CDH12: variants seen among roughly 807,000 people sequenced by gnomAD.
The protein encoded by CDH12 is cadherin 12.
A neutral mutation model predicts 74.1 loss-of-function variants in CDH12; 41 were observed. The ratio of observed to expected loss-of-function variants is 0.55; its 90% CI spans 0.43 to 0.72. CDH12 has a LOEUF of 0.72. Ranked by LOEUF, CDH12 falls within the 30% of genes least tolerant of loss-of-function variation. The pLI, the probability that CDH12 is intolerant of heterozygous loss-of-function variation, is 0.00. For missense variants in CDH12, 945 were observed against 977.2 expected (o/e 0.97, Z 0.44); for synonymous variants, 399 against 355.0 (o/e 1.12, Z -1.39).
intron 3 of CDH12, among the ~76,000 whole-genome samples, chr5:22,369,365 AAAT>A (rs1006833891): frequency 1.3e-5 from 2 of 152,128 alleles, no homozygotes; most frequent in African/African-American, 4.8e-5. Context: ...CTCAGAAAAA[AAAT>A]AGACTTTCTT....
At chr5:22,360,802 G>T (rs376689101) in intron 3 of CDH12, among the ~76,000 whole-genome samples, 9,011 of 152,032 alleles carry the variant, frequency 0.059, 372 homozygotes, top group South Asian at 0.16. Context: ...ACGTAATCCA[G>T]CAAATAAACA....
chr5:21,943,727 A>G (rs1327821199), intron 6 of CDH12, among the ~76,000 whole-genome samples: 1 of 152,196 alleles, frequency 6.6e-6, no homozygotes, highest in Non-Finnish European at 1.5e-5. Context: ...TTGCTTAATT[A>G]TTGTCTTATT....
intron 2 of CDH12, among the ~76,000 whole-genome samples, chr5:22,449,527 A>C (rs1346816303): frequency 6.6e-6 from 1 of 152,100 alleles, no homozygotes; most frequent in African/African-American, 2.4e-5. Context: ...GACTCCTTAC[A>C]TAAAATTTTA....
At chr5:22,098,647 G>A (rs774284312) in intron 4 of CDH12, among the ~76,000 whole-genome samples, 18 of 152,124 alleles carry the variant, frequency 1.2e-4, no homozygotes, top group Non-Finnish European at 1.6e-4. Flanking sequence ...TTCACTCTTC[G>A]TTGAGTCGCC....
In CDH12 at chr5:21,792,198, A is replaced by G. The variant is rs1746536759; in HGVS notation, c.1257-8704T>C. ...TTACTGAGTACCTAAGCCACCTGCA[A>G]CAATATGTCAATTGTAATTTCTCCA... is the stretch of plus-strand genomic sequence containing the variant. On this transcript the variant is annotated intron_variant, in intron 10 of 14. Coordinates refer to ENST00000382254, the MANE Select transcript of CDH12 (RefSeq NM_004061.5). 2.0e-5 allele frequency among the ~76,000 whole-genome samples: 3 copies of G among 151,970 alleles called. No individual in the cohort carries two copies. The South Asian group carries it at 6.2e-4, about 31-fold the overall frequency.
intron 9 of CDH12, among the ~76,000 whole-genome samples, chr5:21,810,042 C>A (rs1747662662): frequency 6.6e-6 from 1 of 151,948 alleles, no homozygotes; most frequent in South Asian, 2.1e-4. Flanking sequence ...AGGAGGAGAA[C>A]CACAATACCA....
chr5:21,784,106 T>G (rs1746069454), intron 10 of CDH12, among the ~76,000 whole-genome samples: 1 of 152,156 alleles, frequency 6.6e-6, no homozygotes, highest in Admixed American at 6.6e-5. Context: ...ACAGTGACTT[T>G]GGATAATGAT....
intron 5 of CDH12, among the ~76,000 whole-genome samples, chr5:22,066,065 G>T (rs1477270023): frequency 6.6e-6 from 1 of 152,128 alleles, no homozygotes; most frequent in Non-Finnish European, 1.5e-5. Context: ...CCAGTTTATA[G>T]ACCCAAAATC....
Position 21,817,025 on chromosome 5 carries a change from T to C in CDH12, c.922A>G (p.Ile308Val). 2 of 1,612,732 alleles carry C rather than the reference T, an allele frequency of 1.2e-6. No homozygotes were observed. The highest frequency in any genetic ancestry group is 8.5e-7 in the Non-Finnish European group (1 of 1,179,080). Reference sequence around the variant, plus strand: ...AAATTTCCCCCATCTCCTGGAACAATATTGTATTCAATTTCTGCATTTTGT... The same window carrying C: ...AAATTTCCCCCATCTCCTGGAACAACATTGTATTCAATTTCTGCATTTTGT... ...FGQNAEIEYN[I>V]VPGDGGNLFD... The change falls in exon 9 of 15, where the codon ATT becomes GTT. Residue 308 changes from isoleucine (I) to valine (V), a missense_variant. Coordinates refer to ENST00000382254, the MANE Select transcript of CDH12 (RefSeq NM_004061.5).
At chr5:22,353,062 C>A (rs1356133838) in intron 3 of CDH12, among the ~76,000 whole-genome samples, 1 of 152,108 alleles carries the variant, frequency 6.6e-6, no homozygotes, top group East Asian at 1.9e-4. Flanking sequence ...TTCTGGATTA[C>A]CATGACACAA....
At chr5:22,290,705 T>G (rs544339303) in intron 3 of CDH12, among the ~76,000 whole-genome samples, 2 of 152,062 alleles carry the variant, frequency 1.3e-5, no homozygotes, top group Non-Finnish European at 2.9e-5. Flanking sequence ...AAACTGATAC[T>G]ATAGAAATAC....
At chr5:21,833,442 A>G (rs1749333717) in intron 8 of CDH12, among the ~76,000 whole-genome samples, 1 of 116,444 alleles carries the variant, frequency 8.6e-6, no homozygotes, top group South Asian at 2.3e-4. Flanking sequence ...TTAATTACAT[A>G]TATTATTAAT....
At chr5:21,964,012 A>G (rs1756474337) in intron 6 of CDH12, among the ~76,000 whole-genome samples, 1 of 152,052 alleles carries the variant, frequency 6.6e-6, no homozygotes, top group Non-Finnish European at 1.5e-5. Flanking sequence ...TAGGTGACTT[A>G]TTAGGAAAAA....
chr5:22,052,208 A>AT (rs376942921), intron 5 of CDH12, among the ~76,000 whole-genome samples: 15 of 151,992 alleles, frequency 9.9e-5, no homozygotes, highest in East Asian at 3.9e-4. Context: ...TTTTTCTTTG[A>AT]TTTTTTTTCT....
chr5:22,438,322 T>C (rs942073126), intron 2 of CDH12, among the ~76,000 whole-genome samples: 1 of 152,038 alleles, frequency 6.6e-6, no homozygotes, highest in Non-Finnish European at 1.5e-5. Flanking sequence ...AATTCTGACT[T>C]AATCATTGTA....
chr5:22,245,825 T>C (rs1752925517), intron 3 of CDH12, among the ~76,000 whole-genome samples: 1 of 152,054 alleles, frequency 6.6e-6, no homozygotes, highest in Non-Finnish European at 1.5e-5. Context: ...TTTAGATAAA[T>C]AGTAGCTCCA....
intron 3 of CDH12, among the ~76,000 whole-genome samples, chr5:22,320,590 C>T (rs542434930): frequency 5.3e-5 from 8 of 152,168 alleles, no homozygotes; most frequent in Middle Eastern, 3.4e-3. Context: ...CAAGCAAAAT[C>T]CCAGGAATTA....
At chr5:22,251,655 A>G (rs1322439735) in intron 3 of CDH12, among the ~76,000 whole-genome samples, 1 of 152,198 alleles carries the variant, frequency 6.6e-6, no homozygotes, top group East Asian at 1.9e-4. Flanking sequence ...CACATGGTAC[A>G]ACCATATGAT....
chr5:22,548,577 T>C (rs1738430164), intron 1 of CDH12, among the ~76,000 whole-genome samples: 1 of 152,112 alleles, frequency 6.6e-6, no homozygotes, highest in Non-Finnish European at 1.5e-5. Flanking sequence ...AGCCAGCTTG[T>C]TGGTGTCTCT....
Sources: gnomAD v4.1 joint callset for allele counts (sites outside exome capture counted in the v4.1 genomes callset) on GRCh38, gnomAD v4.1.1 for gene constraint, MANE v1.5 for transcripts, NCBI Gene and HGNC (gene_info 2026-07-23, HGNC 2026-07-21) for gene names.